Variants in RPH3AL observed in about 807,000 individuals in gnomAD.
The protein encoded by RPH3AL is rabphilin 3A like (without C2 domains), also known as rab effector Noc2.
A neutral mutation model predicts 43.1 loss-of-function variants in RPH3AL; 38 were observed. That is an observed-to-expected ratio of 0.88 (90% CI 0.68 to 1.15). RPH3AL has a LOEUF of 1.15. Among genes scored for constraint, RPH3AL ranks in the 50% most tolerant of loss-of-function variants. The pLI is 0.00. For missense variants in RPH3AL, 462 were observed against 423.2 expected (o/e 1.09, Z -0.81); for synonymous variants, 189 against 176.3 (o/e 1.07, Z -0.57).
At chr17:348,233 C>T (rs1171324890) in intron 1 of RPH3AL, among the ~76,000 whole-genome samples, 3 of 151,984 alleles carry the variant, frequency 2.0e-5, no homozygotes, top group Admixed American at 6.6e-5. Flanking sequence ...GGGATTTGGG[C>T]GTGGAACAGG....
At chr17:227,729 G>A (rs2041138541) in intron 7 of RPH3AL, among the ~76,000 whole-genome samples, 1 of 152,222 alleles carries the variant, frequency 6.6e-6, no homozygotes, top group Non-Finnish European at 1.5e-5. Context: ...AGCAGCCTGA[G>A]TTTGGGAGGC....
chr17:327,591 G>A lies in RPH3AL; in HGVS notation c.-36-12C>T. The A allele has an allele frequency of 1.3e-6, 2 of 1,564,624 alleles. No homozygotes were observed. Among genetic ancestry groups the A allele is most frequent in the Non-Finnish European group, 1.8e-6 (2 of 1,137,572 alleles). On this transcript the variant is annotated splice_polypyrimidine_tract_variant and intron_variant, in intron 2 of 9. Coordinates refer to ENST00000331302, the MANE Select transcript of RPH3AL (RefSeq NM_006987.4). The stretch of plus-strand genomic sequence containing the variant: ...GTGGGGAGTCACATCTGAGATGAAG[G>A]AGGGAAGACGAAAGAGTGTGCATCA...
At chr17:299,287 G>A (rs533181791) in intron 5 of RPH3AL, among the ~76,000 whole-genome samples, 1 of 116,772 alleles carries the variant, frequency 8.6e-6, no homozygotes, top group South Asian at 3.1e-4. Flanking sequence ...TGTGGTTCCT[G>A]GGCAGAAGGG....
intron 5 of RPH3AL, among the ~76,000 whole-genome samples, chr17:315,472 TC>T (rs1234244924): frequency 6.1e-4 from 70 of 115,456 alleles, no homozygotes; most frequent in African/African-American, 1.4e-3. Flanking sequence ...GTCCCTGTGC[TC>T]CCACCTCCAT....
intron 6 of RPH3AL, among the ~76,000 whole-genome samples, chr17:271,036 C>T (rs943040853): frequency 1.2e-4 from 18 of 152,132 alleles, no homozygotes; most frequent in African/African-American, 4.3e-4. Flanking sequence ...ATAGGGAATC[C>T]TTTCCCCATT....
At chr17:285,276 G>A (rs920938032) in intron 5 of RPH3AL, among the ~76,000 whole-genome samples, 2 of 152,170 alleles carry the variant, frequency 1.3e-5, no homozygotes, top group Admixed American at 1.3e-4. Context: ...CTCCTTCAGA[G>A]GCCGCACGGC....
intron 1 of RPH3AL, among the ~76,000 whole-genome samples, chr17:343,920 C>T: frequency 1.5e-5 from 1 of 65,810 alleles, no homozygotes; most frequent in Admixed American, 1.6e-4. Flanking sequence ...TCATGGCCAT[C>T]CTCATCATCA....
intron 6 of RPH3AL, among the ~76,000 whole-genome samples, chr17:272,951 A>AGGGCGACATCAGGAAGAGACCCCAGCG (rs1567604234): frequency 3.4e-5 from 1 of 29,324 alleles, no homozygotes; most frequent in African/African-American, 1.0e-4. Flanking sequence ...AGACCCCAGC[A>AGGGCGACATCAGGAAGAGACCCCAGCG]AGGGCTACGT....
chr17:218,408 G>A (rs1231304826), intron 8 of RPH3AL, among the ~76,000 whole-genome samples: 59 of 74,282 alleles, frequency 7.9e-4, no homozygotes, highest in Admixed American at 1.5e-3. Flanking sequence ...AAGGCATTTC[G>A]TTCCCATCTG....
Position 245,654 on chromosome 17 carries a change from C to G in RPH3AL, c.613+1457G>C, listed in dbSNP as rs550062021. Among the ~76,000 whole-genome samples the G allele has an allele frequency of 2.8e-4, 42 of 152,220 alleles. No homozygotes were observed. Among genetic ancestry groups the G allele is most frequent in the African/African-American group, 9.9e-4 (41 of 41,528 alleles). ...GCTCCCACTGTCTGAGGGACATGGA[C>G]AGATCTCGAGGGCTCAGCAGGAGAA... is the stretch of plus-strand genomic sequence containing the variant. On this transcript the variant is annotated intron_variant, in intron 7 of 9. Transcript: ENST00000331302. The surrounding 1 kb of genome is among the most constrained non-coding windows in gnomAD (Gnocchi z 5.9).
In RPH3AL at chr17:242,557, A is replaced by AC. The variant is rs201831192; in HGVS notation, c.613+4553dup. ...TATTGACTACCTTCCTCTATTGATT[A>AC]CCTTCCTCTATTGACTACCTTCCTC... On this transcript the variant is annotated intron_variant, in intron 7 of 9. Transcript: ENST00000331302. 2.6e-3 allele frequency among the ~76,000 whole-genome samples: 219 copies of AC among 85,058 alleles called. 1 individual carries two copies. The highest frequency in any genetic ancestry group is 5.9e-3 in the African/African-American group (131 of 22,224). 55.8% of individuals were successfully genotyped at this position (85,058 alleles called of 152,430 possible). A position where few individuals can be genotyped will look rare whatever the true frequency, so the allele number is the denominator to read the frequency against.
Position 314,761 on chromosome 17 carries a change from T to C in RPH3AL, c.351+4659A>G, listed in dbSNP as rs9908236. ...TCTGTGCTCCACCTCCATTGACCTG[T>C]AGTCTCTGTGACCCCACCTCCATTG... On this transcript the variant is annotated intron_variant, in intron 5 of 9. Transcript: ENST00000331302. 9.4e-3 allele frequency among the ~76,000 whole-genome samples: 1,308 copies of C among 138,982 alleles called. 2 individuals are homozygous for C. Among genetic ancestry groups the C allele is most frequent in the East Asian group, 0.021 (90 of 4,350 alleles). The allele number at this position is 138,982 out of a possible 152,430, so 91.2% of individuals were successfully genotyped here.
chr17:303,542 T>C (rs918986042), intron 5 of RPH3AL, among the ~76,000 whole-genome samples: 3 of 121,024 alleles, frequency 2.5e-5, no homozygotes, highest in African/African-American at 6.2e-5. Flanking sequence ...AGGAAAGAGA[T>C]GGGGAGGGAG....
At chr17:251,716 G>T (rs1555542632) in intron 6 of RPH3AL, among the ~76,000 whole-genome samples, 1 of 152,262 alleles carries the variant, frequency 6.6e-6, no homozygotes, top group African/African-American at 2.4e-5. Flanking sequence ...CATTAGAGCA[G>T]GTACCCAAGT....
chr17:223,304 A>G (rs1253871291), intron 7 of RPH3AL, among the ~76,000 whole-genome samples: 1 of 152,196 alleles, frequency 6.6e-6, no homozygotes, highest in Non-Finnish European at 1.5e-5. Flanking sequence ...TATCATTGCA[A>G]TACCAAGTAC....
Position 333,404 on chromosome 17 carries a change from C to A in RPH3AL, c.-37+355G>T. 1 of 768,438 alleles carries A rather than the reference C, an allele frequency of 1.3e-6. No individual in the cohort carries two copies. Among genetic ancestry groups the A allele is most frequent in the Non-Finnish European group, 1.8e-6 (1 of 543,094 alleles). The allele number at this position is 768,438 out of a possible 1,614,324, so 47.6% of individuals were successfully genotyped here. On this transcript the variant is annotated intron_variant, in intron 2 of 9. Transcript: ENST00000331302. The surrounding 1 kb of genome is among the most constrained non-coding windows in gnomAD (Gnocchi z 4.5). ...GTAGCACCTTCCAACTTTTCCTGGGCATTTATGTACAAATTGTAATAAAAT... is the reference window on the plus strand; with the variant it reads ...GTAGCACCTTCCAACTTTTCCTGGGAATTTATGTACAAATTGTAATAAAAT...
Position 215,370 on chromosome 17 carries a change from C to T in RPH3AL, c.876+284G>A, listed in dbSNP as rs1010874338. 2.0e-5 allele frequency among the ~76,000 whole-genome samples: 3 copies of T among 152,162 alleles called. No individual in the cohort carries two copies. Among genetic ancestry groups the T allele is most frequent in the Non-Finnish European group, 4.4e-5 (3 of 68,030 alleles). The stretch of plus-strand genomic sequence containing the variant: ...CCACTCTGCCAAGAGAATGAAAGTT[C>T]GCCCCAGGGGAGCCCGACACGTTTT... On this transcript the variant is annotated intron_variant, in intron 9 of 9. Coordinates refer to ENST00000331302, the MANE Select transcript of RPH3AL (RefSeq NM_006987.4). The surrounding 1 kb of genome is among the most constrained non-coding windows in gnomAD (Gnocchi z 4.1).
Position 284,212 on chromosome 17 carries a change from G to A in RPH3AL, c.352-2358C>T, listed in dbSNP as rs193137716. Among the ~76,000 whole-genome samples, 253 of 152,280 alleles carry A rather than the reference G, an allele frequency of 1.7e-3. 2 individuals are homozygous for A. The highest frequency in any genetic ancestry group is 5.9e-3 in the Admixed American group (90 of 15,298). ...GCAGTTAGTGAGCAGTTATCGGACC[G>A]GGCCAGAGTATGAAGGAGGCAGGTG... On this transcript the variant is annotated intron_variant, in intron 5 of 9. Coordinates refer to ENST00000331302, the MANE Select transcript of RPH3AL (RefSeq NM_006987.4).
chr17:272,968 GAGACCCCAGCAAGGGCT>G (rs1252579488), intron 6 of RPH3AL, among the ~76,000 whole-genome samples: 5,855 of 68,250 alleles, frequency 0.086, 280 homozygotes, highest in East Asian at 0.19. Context: ...ACGTCAGGGT[GAGACCCCAGCAAGGGCT>G]ACGTCAGGGT....
Sources: allele counts gnomAD v4.1 joint callset (sites outside exome capture counted in the v4.1 genomes callset), GRCh38; gene constraint gnomAD v4.1.1; non-coding constraint Gnocchi (gnomAD v3.1); transcripts MANE v1.5; gene names NCBI Gene and HGNC (gene_info 2026-07-23, HGNC 2026-07-21).